BLTP3A: variants seen among roughly 807,000 people sequenced by gnomAD.
The protein encoded by BLTP3A is ICBP90 binding protein 1.
At chr6:34,868,789 G>C in the BLTP3A span, among the ~76,000 whole-genome samples, 14 of 151,510 alleles carry the variant, frequency 9.2e-5, no homozygotes, top group African/African-American at 3.4e-4. Flanking sequence ...TGCTTGGGAG[G>C]CTGAGGTGAG....
At chr6:34,849,336 A>G in the BLTP3A span, among the ~76,000 whole-genome samples, 3 of 150,336 alleles carry the variant, frequency 2.0e-5, no homozygotes, top group Non-Finnish European at 4.4e-5. Context: ...TTTTTTTTTT[A>G]TTTGAAATTA....
chr6:34,802,797 C>T, the BLTP3A span, among the ~76,000 whole-genome samples: 22 of 152,142 alleles, frequency 1.4e-4, no homozygotes, highest in Non-Finnish European at 2.6e-4. Flanking sequence ...AAATTATTTT[C>T]CTTTTATATT....
the BLTP3A span, among the ~76,000 whole-genome samples, chr6:34,862,300 T>C: frequency 1.3e-5 from 2 of 151,008 alleles, no homozygotes; most frequent in East Asian, 3.9e-4. Flanking sequence ...GGCTTGAACC[T>C]GGGAGGCGGA....
the BLTP3A span, among the ~76,000 whole-genome samples, chr6:34,826,518 C>T: frequency 2.2e-3 from 328 of 151,928 alleles, 2 homozygotes; most frequent in South Asian, 9.4e-3. Flanking sequence ...GCCACTGCAC[C>T]CAATTAATTT....
At chr6:34,854,217 G>A in the BLTP3A span, among the ~76,000 whole-genome samples, 2 of 151,714 alleles carry the variant, frequency 1.3e-5, no homozygotes, top group Non-Finnish European at 2.9e-5. Flanking sequence ...GTGAGACTCC[G>A]TCTCAAAAAA....
chr6:34,801,475 A>G, the BLTP3A span, among the ~76,000 whole-genome samples: 436 of 152,160 alleles, frequency 2.9e-3, no homozygotes, highest in Non-Finnish European at 4.7e-3. Flanking sequence ...GTATCTCACC[A>G]AGGACTGTTT....
the BLTP3A span, among the ~76,000 whole-genome samples, chr6:34,819,321 CAGTCCCCAG>C: frequency 7.7e-6 from 1 of 130,404 alleles, no homozygotes; most frequent in Non-Finnish European, 1.6e-5. Context: ...CACCCCACCA[CAGTCCCCAG>C]AGTGTGATAT....
chr6:34,831,037 TTATA>T, the BLTP3A span, among the ~76,000 whole-genome samples: 2 of 152,184 alleles, frequency 1.3e-5, no homozygotes, highest in African/African-American at 2.4e-5. Flanking sequence ...TAGAAGTTCT[TTATA>T]TATTCTGAAA....
chr6:34,844,217 T>C, the BLTP3A span, among the ~76,000 whole-genome samples: 2 of 152,058 alleles, frequency 1.3e-5, no homozygotes, highest in African/African-American at 4.8e-5. Flanking sequence ...CTCCTGACCT[T>C]GTGATCCACC....
the BLTP3A span, among the ~76,000 whole-genome samples, chr6:34,841,437 A>G: frequency 6.6e-6 from 1 of 152,264 alleles, no homozygotes; most frequent in Non-Finnish European, 1.5e-5. Flanking sequence ...AAATTGCCAC[A>G]TGCAGCTATT....
At chr6:34,874,417 C>G in the BLTP3A span, 1 of 152,366 alleles carries the variant, frequency 6.6e-6, no homozygotes. Context: ...GTTCCAGCCA[C>G]TCGGGAGGCT....
the BLTP3A span, among the ~76,000 whole-genome samples, chr6:34,832,401 G>C: frequency 6.6e-6 from 1 of 151,912 alleles, no homozygotes; most frequent in Non-Finnish European, 1.5e-5. Context: ...GATTATAGGC[G>C]TGAGCCACTG....
chr6:34,851,947 T>A, the BLTP3A span, among the ~76,000 whole-genome samples: 2 of 152,100 alleles, frequency 1.3e-5, no homozygotes, highest in Non-Finnish European at 2.9e-5. Context: ...TGCCAATGTT[T>A]ACTCAAGGCC....
the BLTP3A span, among the ~76,000 whole-genome samples, chr6:34,805,563 A>C: frequency 6.7e-6 from 1 of 149,036 alleles, no homozygotes; most frequent in Non-Finnish European, 1.5e-5. Flanking sequence ...ATTGCACCCC[A>C]GGCTGGGCAG....
At chr6:34,812,538 G>T in the BLTP3A span, among the ~76,000 whole-genome samples, 67,455 of 151,932 alleles carry the variant, frequency 0.44, 16,945 homozygotes, top group African/African-American at 0.69. Context: ...AGGCACCATC[G>T]TAGCCCACTG....
chr6:34,808,962 A>G, the BLTP3A span, among the ~76,000 whole-genome samples: 1 of 152,212 alleles, frequency 6.6e-6, no homozygotes, highest in Non-Finnish European at 1.5e-5. Context: ...TTCATTGGTG[A>G]TTTCTTTTAA....
At chr6:34,818,376 G>A in the BLTP3A span, among the ~76,000 whole-genome samples, 1 of 152,086 alleles carries the variant, frequency 6.6e-6, no homozygotes, top group African/African-American at 2.4e-5. Flanking sequence ...GTTTGAGGTG[G>A]GAGAATAGCT....
At chr6:34,855,402 C>T in the BLTP3A span, among the ~76,000 whole-genome samples, 31 of 152,282 alleles carry the variant, frequency 2.0e-4, no homozygotes, top group Middle Eastern at 3.4e-3. Flanking sequence ...ATGGAATATA[C>T]TTTCTTTTGG....
chr6:34,850,761 A>G, the BLTP3A span, among the ~76,000 whole-genome samples: 5 of 152,110 alleles, frequency 3.3e-5, no homozygotes, highest in Non-Finnish European at 5.9e-5. Flanking sequence ...CAGTGGCATA[A>G]TCATAGCTCA....
Sources: gnomAD v4.1 joint callset for allele counts (sites outside exome capture counted in the v4.1 genomes callset) on GRCh38, gnomAD v4.1.1 for gene constraint, MANE v1.5 for transcripts, NCBI Gene and HGNC (gene_info 2026-07-23, HGNC 2026-07-21) for gene names.